Variants in ADAMTSL1 observed in about 807,000 individuals in gnomAD.
ADAMTSL1 encodes ADAMTS like 1.
A neutral mutation model predicts 201.8 loss-of-function variants in ADAMTSL1; 126 were observed. That is an observed-to-expected ratio of 0.62 (90% CI 0.54 to 0.72). The LOEUF (loss-of-function observed/expected upper bound fraction) is 0.72. Ranked by LOEUF, ADAMTSL1 falls within the 30% of genes least tolerant of loss-of-function variation. The pLI is 0.00. For missense variants in ADAMTSL1, 2,679 were observed against 2,277.8 expected (o/e 1.18, Z -3.59); for synonymous variants, 1,121 against 903.4 (o/e 1.24, Z -4.32).
chr9:18,081,503 G>C (rs1019902194), intron 1 of ADAMTSL1, among the ~76,000 whole-genome samples: 9 of 151,946 alleles, frequency 5.9e-5, no homozygotes, highest in African/African-American at 1.9e-4. Flanking sequence ...CATTTAACAA[G>C]TCTTCATGAA....
rs1055798412 is a variant in ADAMTSL1, at chr9:18,336,584, T to A, written c.208-168245T>A. On this transcript the variant is annotated intron_variant, in intron 2 of 29. Transcript: ENST00000680146. Reference sequence around the variant, plus strand: ...TTTAGACAATACACAGTATTTTACATCATAGAATTTAAAATTTTTAATGTA... The same window carrying A: ...TTTAGACAATACACAGTATTTTACAACATAGAATTTAAAATTTTTAATGTA... Among the ~76,000 whole-genome samples the A allele has an allele frequency of 3.3e-5, 5 of 152,318 alleles. No individual in the cohort carries two copies. In the East Asian group the frequency reaches 9.6e-4, roughly 29 times the overall value.
chr9:18,850,787 C>T (rs939635179), intron 23 of ADAMTSL1, among the ~76,000 whole-genome samples: 2 of 152,182 alleles, frequency 1.3e-5, no homozygotes, highest in African/African-American at 4.8e-5. Context: ...GTTTTTACTT[C>T]CTCTCTGTAT....
intron 2 of ADAMTSL1, among the ~76,000 whole-genome samples, chr9:18,464,119 T>C (rs1820911357): frequency 1.3e-5 from 2 of 152,360 alleles, no homozygotes; most frequent in African/African-American, 2.4e-5. Flanking sequence ...TGTGGAATCA[T>C]TAACTCTCTT....
chr9:18,180,978 A>G (rs201432286), intron 2 of ADAMTSL1, among the ~76,000 whole-genome samples: 3,647 of 152,032 alleles, frequency 0.024, 170 homozygotes, highest in African/African-American at 0.084. Context: ...CAGAAATAAC[A>G]CCGCATATCT....
intron 2 of ADAMTSL1, among the ~76,000 whole-genome samples, chr9:18,336,878 T>G (rs558879629): frequency 6.6e-6 from 1 of 152,206 alleles, no homozygotes; most frequent in Admixed American, 6.5e-5. Flanking sequence ...ACTCTAATAA[T>G]GATATTATAA....
intron 17 of ADAMTSL1, among the ~76,000 whole-genome samples, chr9:18,773,834 C>T (rs1205453921): frequency 1.3e-5 from 2 of 152,326 alleles, no homozygotes; most frequent in East Asian, 3.9e-4. Context: ...TTTCAGGCTT[C>T]TTACTTCCAT....
intron 1 of ADAMTSL1, among the ~76,000 whole-genome samples, chr9:18,477,760 G>C (rs1047370695): frequency 2.6e-5 from 4 of 152,108 alleles, no homozygotes; most frequent in African/African-American, 9.7e-5. Context: ...TTCTTGTCTA[G>C]ACATGGCCAG....
At chr9:18,078,975 A>G (rs1329756116) in intron 1 of ADAMTSL1, among the ~76,000 whole-genome samples, 1 of 152,188 alleles carries the variant, frequency 6.6e-6, no homozygotes, top group African/African-American at 2.4e-5. Flanking sequence ...GTAGTTTATC[A>G]GCCTGTCTAT....
intron 2 of ADAMTSL1, among the ~76,000 whole-genome samples, chr9:18,525,082 T>A (rs561127578): frequency 6.6e-6 from 1 of 152,268 alleles, no homozygotes; most frequent in East Asian, 1.9e-4. Context: ...GGACTTTTTT[T>A]GGTTGGTAGG....
intron 3 of ADAMTSL1, among the ~76,000 whole-genome samples, chr9:18,535,722 G>A (rs1036484886): frequency 1.3e-5 from 2 of 152,110 alleles, no homozygotes; most frequent in Admixed American, 1.3e-4. Context: ...TGGCAGAAGG[G>A]GAAGCAAACA....
At chr9:18,685,002 G>A in intron 13 of ADAMTSL1, 1 of 1,322,336 alleles carries the variant, frequency 7.6e-7, no homozygotes, top group South Asian at 1.9e-5. Flanking sequence ...CTTCTGTTTT[G>A]CCTAAAGTAA....
chr9:18,059,669 C>T (rs1343335232), intron 1 of ADAMTSL1, among the ~76,000 whole-genome samples: 10 of 152,164 alleles, frequency 6.6e-5, no homozygotes, highest in Admixed American at 4.6e-4. Flanking sequence ...ACAAAGTCTA[C>T]TCTTGAATGA....
chr9:18,660,020 G>A (rs1198646302), intron 8 of ADAMTSL1, among the ~76,000 whole-genome samples: 5 of 151,914 alleles, frequency 3.3e-5, no homozygotes, highest in South Asian at 2.1e-4. Context: ...CTTGATAATC[G>A]TTCATTACAT....
At chr9:18,246,564 C>T (rs902087207) in intron 2 of ADAMTSL1, among the ~76,000 whole-genome samples, 1 of 152,082 alleles carries the variant, frequency 6.6e-6, no homozygotes, top group Non-Finnish European at 1.5e-5. Flanking sequence ...AAGACTTTAC[C>T]TATATTTTCT....
At chr9:18,886,217 CACAT>C (rs1828880446) in intron 23 of ADAMTSL1, among the ~76,000 whole-genome samples, 1 of 125,246 alleles carries the variant, frequency 8.0e-6, no homozygotes. Flanking sequence ...TATATACACA[CACAT>C]ACATATACAT....
At chr9:18,247,835 G>C (rs1249460341) in intron 2 of ADAMTSL1, among the ~76,000 whole-genome samples, 1 of 152,122 alleles carries the variant, frequency 6.6e-6, no homozygotes, top group Non-Finnish European at 1.5e-5. Context: ...AGTGTATGTG[G>C]AAAGGGCAGC....
intron 2 of ADAMTSL1, among the ~76,000 whole-genome samples, chr9:18,189,880 T>C (rs1334919050): frequency 2.6e-5 from 4 of 152,340 alleles, no homozygotes; most frequent in East Asian, 3.9e-4. Context: ...CTAGCATGTA[T>C]TATTCAATAA....
At chr9:18,069,357 C>G (rs1246334103) in intron 1 of ADAMTSL1, among the ~76,000 whole-genome samples, 1 of 152,060 alleles carries the variant, frequency 6.6e-6, no homozygotes, top group Non-Finnish European at 1.5e-5. Context: ...ATATGTGGCT[C>G]ACATTTTACT....
At chr9:17,976,746 C>G (rs1818467318) in intron 1 of ADAMTSL1, among the ~76,000 whole-genome samples, 1 of 150,608 alleles carries the variant, frequency 6.6e-6, no homozygotes. Context: ...CCCTGCCTCC[C>G]CGATCCATCC....
Sources: gnomAD v4.1 joint callset for allele counts (sites outside exome capture counted in the v4.1 genomes callset) on GRCh38, gnomAD v4.1.1 for gene constraint, MANE v1.5 for transcripts, NCBI Gene and HGNC (gene_info 2026-07-23, HGNC 2026-07-21) for gene names.